Variants in SGIP1 observed in about 807,000 individuals in gnomAD.
SGIP1 encodes SH3-containing GRB2-like protein 3-interacting protein 1.
SGIP1 carries 38 observed loss-of-function variants against 107.5 expected under a neutral mutation model. The observed-to-expected ratio is 0.35, with a 90% confidence interval of 0.27 to 0.46. The LOEUF is 0.46. Ranked by LOEUF, SGIP1 falls within the 20% of genes least tolerant of loss-of-function variation. The probability of loss-of-function intolerance (pLI) is 1.00; values close to 1 mark genes in which losing one functional copy is unlikely to be tolerated. For synonymous variants in SGIP1, 365 were observed against 366.1 expected (o/e 1.00, Z 0.03); for missense variants, 929 against 1,019.5 (o/e 0.91, Z 1.21).
intron 18 of SGIP1, among the ~76,000 whole-genome samples, chr1:66,704,062 TCAAA>T (rs985015380): frequency 8.5e-5 from 13 of 152,130 alleles, no homozygotes; most frequent in Admixed American, 8.5e-4. Flanking sequence ...AAGATTAAAG[TCAAA>T]CACTTAGTAT....
chr1:66,634,162 A>T, intron 3 of SGIP1: 1 of 1,608,780 alleles, frequency 6.2e-7, no homozygotes, highest in Non-Finnish European at 8.5e-7. Flanking sequence ...ACTCTGTCTC[A>T]GGTACTCTCT....
chr1:66,682,042 A>G lies in SGIP1; in HGVS notation c.988A>G (p.Arg330Gly), dbSNP rs760509592. 4 of 1,614,178 alleles carry G rather than the reference A, an allele frequency of 2.5e-6. No individual in the cohort carries two copies. The highest frequency in any genetic ancestry group is 2.2e-5 in the East Asian group (1 of 44,874). Reference protein sequence around the residue: ...PEHVTPELTPREKVVSPPATP... With the variant: ...PEHVTPELTPGEKVVSPPATP... The stretch of plus-strand genomic sequence containing the variant: ...ACATGTTACTCCGGAGTTGACTCCA[A>G]GGGAAAAAGTGGTGTCCCCACCAGC... Residue 330 changes from arginine (R) to glycine (G), a missense_variant, in exon 15 of 25, where the codon AGG becomes GGG. Coordinates refer to ENST00000371037, the MANE Select transcript of SGIP1 (RefSeq NM_032291.4).
chr1:66,714,100 T>A (rs1170683401), intron 18 of SGIP1, among the ~76,000 whole-genome samples: 1 of 152,162 alleles, frequency 6.6e-6, no homozygotes, highest in East Asian at 1.9e-4. Context: ...AAAACAATAA[T>A]ATTAGTCATA....
chr1:66,536,933 G>A (rs973045821), intron 1 of SGIP1, among the ~76,000 whole-genome samples: 4 of 152,198 alleles, frequency 2.6e-5, no homozygotes, highest in African/African-American at 9.6e-5. Flanking sequence ...TCTACTTTGT[G>A]TAAAGCAAGA....
rs776581068 is a variant in SGIP1 at position 66,682,110 on chromosome 1, CGGCCCCCCAGGTCCCACA to C, written c.1068_1085del (p.Thr358_Pro363del). 1.5e-4 allele frequency: 244 copies of C among 1,614,164 alleles called. 1 individual carries two copies. Among genetic ancestry groups the C allele is most frequent in the Admixed American group, 8.0e-4 (48 of 60,024 alleles). On this transcript the variant is annotated inframe_deletion, in exon 15 of 25. Coordinates refer to ENST00000371037, the MANE Select transcript of SGIP1 (RefSeq NM_032291.4). ...CTGACTCCCCAGCTCCAGGCCCTCT[CGGCCCCCCAGGTCCCACA>C]GGCCCCCCAGGGCCTCCTGGGCCTC...
At chr1:66,680,067 C>G (rs532676856) in intron 14 of SGIP1, among the ~76,000 whole-genome samples, 1 of 152,286 alleles carries the variant, frequency 6.6e-6, no homozygotes, top group Admixed American at 6.5e-5. Flanking sequence ...CCCCTCACTT[C>G]GTTGGATCTC....
At chr1:66,729,514 T>C (rs1433790055) in intron 20 of SGIP1, 95 bp downstream of exon 20, 11 of 1,418,608 alleles carry the variant, frequency 7.8e-6, no homozygotes, top group Middle Eastern at 1.8e-4. Flanking sequence ...GGTCGCACTA[T>C]AGTGAAATTA....
intron 11 of SGIP1, among the ~76,000 whole-genome samples, chr1:66,672,727 C>T (rs1480885905): frequency 1.3e-5 from 2 of 151,382 alleles, no homozygotes; most frequent in African/African-American, 2.4e-5. Flanking sequence ...TCCTGTTCCC[C>T]CTGATTTCTC....
At chr1:66,675,723 C>T (rs2149902157) in intron 12 of SGIP1, among the ~76,000 whole-genome samples, 1 of 151,352 alleles carries the variant, frequency 6.6e-6, no homozygotes, top group Admixed American at 6.6e-5. Flanking sequence ...TTTGTAGAGA[C>T]TGGGTTTCAC....
chr1:66,735,194 G>GTTATTTTATT (rs199562593), intron 21 of SGIP1, among the ~76,000 whole-genome samples: 8 of 151,236 alleles, frequency 5.3e-5, no homozygotes, highest in African/African-American at 1.7e-4. Context: ...TTATTTTTAT[G>GTTATTTTATT]TTATTTTATT....
rs1001965244 is a variant in SGIP1 at position 66,684,132 on chromosome 1, T to A, written c.1315+1763T>A. On this transcript the variant is annotated intron_variant, in intron 15 of 24. Coordinates refer to ENST00000371037, the MANE Select transcript of SGIP1 (RefSeq NM_032291.4). ...ATGGGAAAACTGAGGCTCAGAGATA[T>A]CAAGTAATTTGCCCAAGTTTACAAG... 5.8e-6 allele frequency: 9 copies of A among 1,550,476 alleles called. 1 individual carries two copies. The South Asian group carries it at 1.1e-4, about 18-fold the overall frequency.
At chr1:66,555,110 A>G (rs2057997035) in intron 1 of SGIP1, among the ~76,000 whole-genome samples, 1 of 152,048 alleles carries the variant, frequency 6.6e-6, no homozygotes, top group Non-Finnish European at 1.5e-5. Context: ...TGTCACCACC[A>G]CTGTAAATCT....
At position 66,745,384 on chromosome 1, in the gene SGIP1, A is replaced by G. The variant is rs1157948376; in HGVS notation, c.*2289A>G. 3 of 152,072 alleles carry G rather than the reference A, an allele frequency of 2.0e-5. No individual in the cohort carries two copies. Among genetic ancestry groups the G allele is most frequent in the Non-Finnish European group, 4.4e-5 (3 of 67,910 alleles). 9.4% of individuals were successfully genotyped at this position (152,072 alleles called of 1,614,324 possible). A position where few individuals can be genotyped will look rare whatever the true frequency, so the allele number is the denominator to read the frequency against. On this transcript the variant is annotated 3_prime_UTR_variant, in exon 25 of 25. Transcript: ENST00000371037. ...TAACCAGAACCTCAATAGAAAATGT[A>G]TCCCTTCACCTTTCAGAAAAGAGAT... is the stretch of plus-strand genomic sequence containing the variant.
chr1:66,566,065 G>A (rs536624570), intron 1 of SGIP1, among the ~76,000 whole-genome samples: 1 of 152,098 alleles, frequency 6.6e-6, no homozygotes, highest in African/African-American at 2.4e-5. Context: ...TACACTGAAT[G>A]AAAGATATAT....
chr1:66,564,747 C>A (rs2059419550), intron 1 of SGIP1, among the ~76,000 whole-genome samples: 1 of 151,844 alleles, frequency 6.6e-6, no homozygotes, highest in African/African-American at 2.4e-5. Context: ...TAGTGGTCAC[C>A]AAGAATCACA....
intron 1 of SGIP1, among the ~76,000 whole-genome samples, chr1:66,617,201 T>C (rs1470402548): frequency 6.6e-6 from 1 of 152,332 alleles, no homozygotes; most frequent in Non-Finnish European, 1.5e-5. Context: ...ATGACTGCCT[T>C]GCACCAGGTA....
intron 18 of SGIP1, among the ~76,000 whole-genome samples, chr1:66,711,463 T>A (rs1030839812): frequency 6.6e-6 from 1 of 152,208 alleles, no homozygotes; most frequent in Non-Finnish European, 1.5e-5. Context: ...GTATAACATA[T>A]TCTATAAATT....
chr1:66,534,123 A>G (rs1450429643), upstream of SGIP1: 16 of 592,616 alleles, frequency 2.7e-5, no homozygotes, highest in East Asian at 3.4e-4. Flanking sequence ...CAGCTCGGCC[A>G]GCTTGCCGTT....
chr1:66,680,098 C>T (rs1353072702), intron 14 of SGIP1, among the ~76,000 whole-genome samples: 1 of 152,112 alleles, frequency 6.6e-6, no homozygotes, highest in Non-Finnish European at 1.5e-5. Context: ...TTTACAAATT[C>T]ATAGTCTCAA....
Sources: allele counts gnomAD v4.1 joint callset (sites outside exome capture counted in the v4.1 genomes callset), GRCh38; gene constraint gnomAD v4.1.1; transcripts MANE v1.5; gene names NCBI Gene and HGNC (gene_info 2026-07-23, HGNC 2026-07-21).